Variants in PRMT5 observed in about 807,000 individuals in gnomAD.
The protein encoded by PRMT5 is protein arginine methyltransferase 5.
PRMT5 carries 15 observed loss-of-function variants against 84.0 expected under a neutral mutation model. The ratio of observed to expected loss-of-function variants is 0.18; its 90% CI spans 0.12 to 0.28. The LOEUF (loss-of-function observed/expected upper bound fraction) is 0.28. Ranked by LOEUF, PRMT5 falls within the 10% of genes least tolerant of loss-of-function variation. The pLI is 1.00. For synonymous variants in PRMT5, 276 were observed against 292.4 expected, an observed-to-expected ratio of 0.94 and a Z score of 0.57; for missense variants, 486 against 808.0, an observed-to-expected ratio of 0.60 and a Z score of 4.83.
In PRMT5 at chr14:22,920,840, C is replaced by G. The variant is rs2044264558; in HGVS notation, c.*64G>C. 5.0e-6 allele frequency: 8 copies of G among 1,605,366 alleles called. No homozygotes were observed. In the Admixed American group the frequency reaches 5.0e-5, roughly 10 times the overall value. Reference sequence around the variant, plus strand: ...ATCACAGCCCATAGATGTACTGCACCTTCTGTACTACAGGAGCAGAACCTG... The same window carrying G: ...ATCACAGCCCATAGATGTACTGCACGTTCTGTACTACAGGAGCAGAACCTG... On this transcript the variant is annotated 3_prime_UTR_variant, in exon 17 of 17. Coordinates refer to ENST00000324366, the MANE Select transcript of PRMT5 (RefSeq NM_006109.5).
chr14:22,921,152 AAG>A (rs1212163932), intron 16 of PRMT5, 96 bp from the exon 17 acceptor site: 16 of 1,448,230 alleles, frequency 1.1e-5, no homozygotes, highest in Admixed American at 3.6e-5. Flanking sequence ...TAAACATGAC[AAG>A]ACTGTCCCAA....
At chr14:22,926,377 T>C (rs2044419269) in intron 6 of PRMT5, 81 bp from the exon 7 acceptor site, 8 of 1,594,598 alleles carry the variant, frequency 5.0e-6, no homozygotes, top group Non-Finnish European at 6.9e-6. Flanking sequence ...ATCTGTTTAC[T>C]TCTTTAAGAG....
intron 1 of PRMT5, chr14:22,929,008 T>A (rs2139257552): frequency 1.1e-6 from 1 of 895,690 alleles, no homozygotes; most frequent in South Asian, 1.7e-5. Context: ...AATCGCGACC[T>A]CCAGGGCCCT....
intron 16 of PRMT5, 169 bp downstream of exon 16, chr14:22,922,007 G>C: frequency 1.5e-6 from 1 of 666,472 alleles, no homozygotes; most frequent in East Asian, 2.6e-5. Context: ...GGGAAAGCCA[G>C]GCAGAAGGCC....
intron 16 of PRMT5, among the ~76,000 whole-genome samples, chr14:22,921,666 T>C (rs932733754): frequency 2.6e-5 from 4 of 151,906 alleles, no homozygotes; most frequent in Non-Finnish European, 4.4e-5. Flanking sequence ...GGGCGGATCA[T>C]GAGGTCAGGA....
chr14:22,920,678 G>A lies in PRMT5; in HGVS notation c.*226C>T. The A allele has an allele frequency of 1.4e-6, 1 of 721,432 alleles. No homozygotes were observed. Among genetic ancestry groups the A allele is most frequent in the Non-Finnish European group, 2.5e-6 (1 of 392,762 alleles). The allele number at this position is 721,432 out of a possible 1,614,324, so 44.7% of individuals were successfully genotyped here. ...GGCTGAGTGCGTAGCTTCAAATCCA[G>A]CACTAATTCCTCACCCCCTGGCCTG... On this transcript the variant is annotated 3_prime_UTR_variant, in exon 17 of 17. Transcript: ENST00000324366.
At position 22,929,296 on chromosome 14, in the gene PRMT5, G is replaced by C; in HGVS notation, c.66C>G (p.Cys22Trp). 1 of 1,613,432 alleles carries C rather than the reference G, an allele frequency of 6.2e-7. No individual in the cohort carries two copies. ...SRVSSGRDLNCVPEIADTLGA... is the reference protein window; with the variant it reads ...SRVSSGRDLNWVPEIADTLGA... ...CTAGTGTGTCAGCTATTTCGGGGACGCAATTCAGGTCCCTCCCGCTGGACA... is the reference window on the plus strand; with the variant it reads ...CTAGTGTGTCAGCTATTTCGGGGACCCAATTCAGGTCCCTCCCGCTGGACA... Residue 22 changes from cysteine (C) to tryptophan (W), a missense_variant, in exon 1 of 17, where the codon TGC (cysteine) becomes TGG (tryptophan). Cys to Trp is a radical substitution (Grantham distance 215). Coordinates refer to ENST00000324366, the MANE Select transcript of PRMT5 (RefSeq NM_006109.5).
Position 22,925,008 on chromosome 14 carries a change from G to T in PRMT5, c.810C>A (p.Asn270Lys). Residue 270 changes from asparagine to lysine, a missense_variant, in exon 8 of 17, where the codon AAC becomes AAA. By Grantham distance (94) the Asn-to-Lys change is moderately conservative. This residue lies in a region of PRMT5 where 215 missense variants were observed against 301.1 expected (regional missense o/e 0.71). Coordinates refer to ENST00000324366, the MANE Select transcript of PRMT5 (RefSeq NM_006109.5). ...LEVQFIITGTNHHSEKEFCSY... is the reference protein window; with the variant it reads ...LEVQFIITGTKHHSEKEFCSY... ...AGCAGAACTCCTTCTCTGAGTGGTG[G>T]TTGGTGCCTGTGATGATGAACTGCA... is the stretch of plus-strand genomic sequence containing the variant. The T allele has an allele frequency of 1.2e-6, 2 of 1,614,096 alleles. No individual in the cohort carries two copies. The highest frequency in any genetic ancestry group is 1.7e-6 in the Non-Finnish European group (2 of 1,180,018).
Position 22,924,954 on chromosome 14 carries a change from G to A in PRMT5, c.864C>T (p.Ser288=), listed in dbSNP as rs115990856. The change falls in exon 8 of 17, where the codon AGC becomes AGT. Residue 288 remains serine (S), a synonymous_variant. Transcript: ENST00000324366. The surrounding 1 kb of genome is among the most constrained non-coding windows in gnomAD (Gnocchi z 6.5). ...AGGCATTAGGTGGAGGACGGTTCTG[G>A]CTTAAGTATTCCAGGTATTGGAGGT... The part of the protein sequence containing the change: ...CSYLQYLEYL[S]QNRPPPNAYE... 909 of 1,614,100 alleles carry A rather than the reference G, an allele frequency of 5.6e-4. 7 individuals are homozygous for A. The African/African-American group carries it at 0.011, about 20-fold the overall frequency.
At position 22,920,590 on chromosome 14, in the gene PRMT5, C is replaced by T. The variant is rs1381275520; in HGVS notation, c.*314G>A. The stretch of plus-strand genomic sequence containing the variant: ...TTACACAAAACCATCAAAACAAGAA[C>T]AGAAAAAGGCTGAAAATCCGTTCAA... On this transcript the variant is annotated 3_prime_UTR_variant, in exon 17 of 17. Coordinates refer to ENST00000324366, the MANE Select transcript of PRMT5 (RefSeq NM_006109.5). 1.8e-6 allele frequency: 1 copy of T among 561,822 alleles called. No individual in the cohort carries two copies. Among genetic ancestry groups the T allele is most frequent in the East Asian group, 4.3e-5 (1 of 23,340 alleles). 34.8% of individuals were successfully genotyped at this position (561,822 alleles called of 1,614,324 possible). A position where few individuals can be genotyped will look rare whatever the true frequency, so the allele number is the denominator to read the frequency against.
chr14:22,927,701 A>C, intron 3 of PRMT5, 41 bp from the exon 4 acceptor site: 1 of 1,567,568 alleles, frequency 6.4e-7, no homozygotes, highest in Non-Finnish European at 8.6e-7. Context: ...GCTAACAAGC[A>C]AACAGCTTTT....
rs769762561 is a variant in PRMT5 at position 22,926,199 on chromosome 14, C to T, written c.711G>A (p.Leu237=). 74 of 1,613,088 alleles carry T rather than the reference C, an allele frequency of 4.6e-5. No homozygotes were observed. Among genetic ancestry groups the T allele is most frequent in the Non-Finnish European group, 6.2e-5 (73 of 1,179,218 alleles). ...GAACAGGAAATCCCTTCTTATTGGT[C>T]AGGAAAATGCTAGTGGGGAGAATGG... is the stretch of plus-strand genomic sequence containing the variant. The part of the protein sequence containing the change: ...KAAILPTSIF[L]TNKKGFPVLS... Residue 237 remains leucine (L), a synonymous_variant, in exon 7 of 17, where the codon CTG becomes CTA. Transcript: ENST00000324366.
At chr14:22,925,151 C>T (rs1321695544) in intron 7 of PRMT5, 111 bp from the exon 8 acceptor site, 47 of 867,648 alleles carry the variant, frequency 5.4e-5, no homozygotes, top group South Asian at 2.1e-4. Flanking sequence ...CAACAGTTCT[C>T]TTTTTTTTTT....
chr14:22,920,982 C>A lies in PRMT5; in HGVS notation c.1836G>T (p.Trp612Cys). 6.2e-7 allele frequency: 1 copy of A among 1,614,214 alleles called. No individual in the cohort carries two copies. The highest frequency in any genetic ancestry group is 8.5e-7 in the Non-Finnish European group (1 of 1,180,042). Residue 612 changes from tryptophan to cysteine, a missense_variant, in exon 17 of 17, where the codon TGG becomes TGT. Physicochemically the swap from Trp to Cys is radical, Grantham distance 215. Around this residue, in one of 4 missense-constraint regions of PRMT5, gnomAD observed 219 missense variants for 433.6 expected, o/e 0.51. Transcript: ENST00000324366. Reference protein sequence around the residue: ...FWRCSNSKKVWYEWAVTAPVC... With the variant: ...FWRCSNSKKVCYEWAVTAPVC... ...CTGGTGCTGTCACAGCCCACTCATA[C>A]CACACCTTCTTGGAATTGCTGCATC...
intron 16 of PRMT5, among the ~76,000 whole-genome samples, chr14:22,921,930 T>C (rs145071599): frequency 4.7e-4 from 71 of 149,676 alleles, no homozygotes; most frequent in Middle Eastern, 7.0e-3. Flanking sequence ...AAGATCAAAT[T>C]TGAGTTTTTA....
intron 7 of PRMT5, among the ~76,000 whole-genome samples, chr14:22,925,579 G>A (rs1379534917): frequency 6.6e-6 from 1 of 152,036 alleles, no homozygotes; most frequent in Non-Finnish European, 1.5e-5. Context: ...CAATACTTTG[G>A]AAGGCCGAGG....
rs752005720 is a variant in PRMT5, at chr14:22,929,336, G to A, written c.26C>T (p.Ala9Val). 3.7e-6 allele frequency: 6 copies of A among 1,610,556 alleles called. No homozygotes were observed. The highest frequency in any genetic ancestry group is 1.6e-4 in the Middle Eastern group (1 of 6,076). The part of the protein sequence containing the change: MAAMAVGG[A>V]GGSRVSSGRD... ...CCCGCTGGACACGCGGCTCCCACCAGCACCCCCGACCGCCATCGCCGCCAT... is the reference window on the plus strand; with the variant it reads ...CCCGCTGGACACGCGGCTCCCACCAACACCCCCGACCGCCATCGCCGCCAT... The change falls in exon 1 of 17, where the codon GCT becomes GTT. Residue 9 changes from alanine to valine, a missense_variant. Ala to Val is a moderately conservative substitution (Grantham distance 64). This residue lies in a region of PRMT5 where 51 missense variants were observed against 53.8 expected (regional missense o/e 0.95). Coordinates refer to ENST00000324366, the MANE Select transcript of PRMT5 (RefSeq NM_006109.5).
chr14:22,928,145 A>G lies in PRMT5; in HGVS notation c.296T>C (p.Ile99Thr), dbSNP rs759768927. 110 of 1,614,002 alleles carry G rather than the reference A, an allele frequency of 6.8e-5. No individual in the cohort carries two copies. The highest frequency in any genetic ancestry group is 9.2e-5 in the Non-Finnish European group (108 of 1,180,026). Reference protein sequence around the residue: ...WIRPDSKVEKIRRNSEAAMLQ... With the variant: ...WIRPDSKVEKTRRNSEAAMLQ... ...TCTTACCGCCTCGGAGTTCCTGCGA[A>G]TCTTCTCCACTTTTGAGTCTGGACG... Residue 99 changes from isoleucine (I) to threonine (T), a missense_variant, in exon 3 of 17, where the codon ATT becomes ACT. Ile to Thr is a moderately conservative substitution (Grantham distance 89). Transcript: ENST00000324366. This position sits in a 1 kb window ranked among gnomAD's most constrained non-coding sequence, Gnocchi z 4.8.
At position 22,924,022 on chromosome 14, in the gene PRMT5, T is replaced by C; in HGVS notation, c.1361A>G (p.Gln454Arg). Residue 454 changes from glutamine to arginine, a missense_variant, in exon 12 of 17, where the codon CAG (glutamine) becomes CGG (arginine). By Grantham distance (43) the Gln-to-Arg change is conservative (BLOSUM62 1). Around this residue, in one of 4 missense-constraint regions of PRMT5, gnomAD observed 219 missense variants for 433.6 expected, o/e 0.51. Transcript: ENST00000324366. The surrounding 1 kb of genome is among the most constrained non-coding windows in gnomAD (Gnocchi z 6.5). ...ELSPECLDGAQHFLKDDGVSI... is the reference protein window; with the variant it reads ...ELSPECLDGARHFLKDDGVSI... ...CCTGGGGGCACCTTTTAGGAAGTGC[T>C]GGGCTCCATCCAGGCACTCAGGCGA... 1 of 1,564,532 alleles carries C rather than the reference T, an allele frequency of 6.4e-7. No homozygotes were observed. Among genetic ancestry groups the C allele is most frequent in the Non-Finnish European group, 8.6e-7 (1 of 1,157,354 alleles).
Sources: allele counts gnomAD v4.1 joint callset (sites outside exome capture counted in the v4.1 genomes callset), GRCh38; gene constraint gnomAD v4.1.1; regional missense constraint gnomAD v4.1.1; non-coding constraint Gnocchi (gnomAD v3.1); transcripts MANE v1.5; gene names NCBI Gene and HGNC (gene_info 2026-07-23, HGNC 2026-07-21).